The following ATG10 variants were observed in gnomAD, a reference collection of about 807,000 sequenced individuals.
ATG10 encodes the protein ubiquitin-like-conjugating enzyme ATG10.
A neutral mutation model predicts 32.1 loss-of-function variants in ATG10; 30 were observed. That is an observed-to-expected ratio of 0.94 (90% CI 0.70 to 1.27). The LOEUF is 1.27. Ranked by LOEUF, ATG10 falls within the 50% of genes most tolerant of loss-of-function variation. The probability of loss-of-function intolerance (pLI) is 0.00; values close to 1 mark genes in which losing one functional copy is unlikely to be tolerated. For synonymous variants in ATG10, 87 were observed against 91.5 expected, an observed-to-expected ratio of 0.95 and a Z score of 0.28; for missense variants, 233 against 262.3, an observed-to-expected ratio of 0.89 and a Z score of 0.77.
intron 5 of ATG10, among the ~76,000 whole-genome samples, chr5:82,200,864 A>ATTAT (rs34770803): frequency 0.2 from 28,514 of 142,994 alleles, 3,014 homozygotes; most frequent in African/African-American, 0.24. Context: ...TTAAAAATAC[A>ATTAT]TTATTTATTT....
intron 6 of ATG10, 23 bp from the exon 7 acceptor site, chr5:82,253,291 C>G: frequency 6.7e-7 from 1 of 1,486,106 alleles, no homozygotes; most frequent in Non-Finnish European, 9.4e-7. Context: ...GTTAGCATGG[C>G]CTGTATTTCA....
chr5:81,974,013 A>G (rs999339460), intron 1 of ATG10, among the ~76,000 whole-genome samples: 1 of 152,226 alleles, frequency 6.6e-6, no homozygotes, highest in East Asian at 1.9e-4. Context: ...TTTTGTGACA[A>G]ACTACATGTC....
intron 1 of ATG10, among the ~76,000 whole-genome samples, chr5:81,982,236 T>G (rs1386052290): frequency 6.6e-6 from 1 of 152,056 alleles, no homozygotes; most frequent in East Asian, 1.9e-4. Context: ...GGTGGGGTGG[T>G]GGGTGGATTG....
intron 2 of ATG10, among the ~76,000 whole-genome samples, chr5:82,047,254 A>G (rs1382582837): frequency 6.6e-6 from 1 of 152,200 alleles, no homozygotes; most frequent in Non-Finnish European, 1.5e-5. Flanking sequence ...GTATGAGGGC[A>G]CATATGAAGG....
At chr5:82,166,215 A>T (rs1354647107) in intron 4 of ATG10, among the ~76,000 whole-genome samples, 2 of 152,120 alleles carry the variant, frequency 1.3e-5, no homozygotes, top group African/African-American at 4.8e-5. Context: ...CTATTCTTTT[A>T]AAAAAACACA....
At chr5:82,193,780 A>G (rs1744750457) in intron 5 of ATG10, among the ~76,000 whole-genome samples, 1 of 152,234 alleles carries the variant, frequency 6.6e-6, no homozygotes, top group Non-Finnish European at 1.5e-5. Context: ...TTTTACATAA[A>G]AAAATTAATT....
At chr5:82,119,178 CCTGA>C (rs1407071601) in intron 3 of ATG10, among the ~76,000 whole-genome samples, 4 of 152,026 alleles carry the variant, frequency 2.6e-5, no homozygotes, top group Admixed American at 6.6e-5. Context: ...TTGTTTATTG[CCTGA>C]CTATGAGAAG....
intron 5 of ATG10, among the ~76,000 whole-genome samples, chr5:82,183,660 A>G (rs73768640): frequency 0.025 from 3,739 of 152,252 alleles, 147 homozygotes; most frequent in African/African-American, 0.084. Flanking sequence ...TAATTCTATC[A>G]TTCATTATTT....
At chr5:82,164,324 C>CCCTG in intron 3 of ATG10, 75 bp from the exon 4 acceptor site, 1 of 1,164,078 alleles carries the variant, frequency 8.6e-7, no homozygotes, top group Non-Finnish European at 1.2e-6. Flanking sequence ...AGAAGAAAAT[C>CCCTG]TCCTCTTTTC....
chr5:82,215,918 A>G (rs1745659546), intron 5 of ATG10, among the ~76,000 whole-genome samples: 1 of 150,670 alleles, frequency 6.6e-6, no homozygotes, highest in South Asian at 2.1e-4. Flanking sequence ...CTGGGCAACA[A>G]GAGCGAAACT....
At chr5:82,240,058 T>A (rs954553557) in intron 5 of ATG10, among the ~76,000 whole-genome samples, 1 of 152,168 alleles carries the variant, frequency 6.6e-6, no homozygotes, top group African/African-American at 2.4e-5. Context: ...GGAATGTTCA[T>A]ACACTGTTGG....
At chr5:81,999,879 G>A (rs1486540251) in intron 2 of ATG10, among the ~76,000 whole-genome samples, 2 of 152,152 alleles carry the variant, frequency 1.3e-5, no homozygotes, top group Non-Finnish European at 2.9e-5. Context: ...AATTGAATCA[G>A]TAATAAAAAG....
chr5:82,143,773 AGAC>A (rs1243156168), intron 3 of ATG10, among the ~76,000 whole-genome samples: 11 of 152,180 alleles, frequency 7.2e-5, no homozygotes, highest in Admixed American at 5.9e-4. Flanking sequence ...TTTTGGTGGG[AGAC>A]GGGATATTGA....
chr5:82,143,391 G>C (rs1357869684), intron 3 of ATG10, among the ~76,000 whole-genome samples: 4 of 152,234 alleles, frequency 2.6e-5, no homozygotes, highest in Non-Finnish European at 5.9e-5. Flanking sequence ...TTGGAGACAC[G>C]AGAGTGTGGA....
intron 2 of ATG10, among the ~76,000 whole-genome samples, chr5:82,026,455 C>G (rs1417356980): frequency 6.6e-6 from 1 of 151,830 alleles, no homozygotes; most frequent in East Asian, 1.9e-4. Flanking sequence ...TATTTTATTT[C>G]TATTTTGTTT....
chr5:82,237,015 TA>T (rs1746582331), intron 5 of ATG10, among the ~76,000 whole-genome samples: 1 of 152,198 alleles, frequency 6.6e-6, no homozygotes, highest in Non-Finnish European at 1.5e-5. Flanking sequence ...TCCCCTTTTT[TA>T]AAACTATAAA....
intron 2 of ATG10, among the ~76,000 whole-genome samples, chr5:82,008,813 C>G (rs1762051622): frequency 6.6e-6 from 1 of 152,104 alleles, no homozygotes; most frequent in African/African-American, 2.4e-5. Flanking sequence ...CAGATTATGT[C>G]TATATCTAAT....
At chr5:82,139,878 C>G (rs1424325764) in intron 3 of ATG10, among the ~76,000 whole-genome samples, 2 of 136,368 alleles carry the variant, frequency 1.5e-5, no homozygotes, top group Non-Finnish European at 3.2e-5. Flanking sequence ...CCGCCCCGTC[C>G]GGGAGGGAGG....
Position 82,252,721 on chromosome 5 carries a change from A to G in ATG10, c.551+62A>G, listed in dbSNP as rs142883018. On this transcript the variant is annotated intron_variant, in intron 6 of 7. Transcript: ENST00000282185. Reference sequence around the variant, plus strand: ...TGATTTTAAAAGTGTAAATCTTTTTATGTGACTCTAAATGCTAGGCTAAAA... The same window carrying G: ...TGATTTTAAAAGTGTAAATCTTTTTGTGTGACTCTAAATGCTAGGCTAAAA... 132 of 951,902 alleles carry G rather than the reference A, an allele frequency of 1.4e-4. No homozygotes were observed. The African/African-American group carries it at 1.9e-3, about 14-fold the overall frequency. The allele number at this position is 951,902 out of a possible 1,614,324, so 59.0% of individuals were successfully genotyped here. A position where few individuals can be genotyped will look rare whatever the true frequency, so the allele number is the denominator to read the frequency against.
Sources: gnomAD v4.1 joint callset for allele counts (sites outside exome capture counted in the v4.1 genomes callset) on GRCh38, gnomAD v4.1.1 for gene constraint, MANE v1.5 for transcripts, NCBI Gene and HGNC (gene_info 2026-07-23, HGNC 2026-07-21) for gene names.